Variants in LNX1 observed in about 807,000 individuals in gnomAD.
LNX1 encodes the protein ligand of numb-protein X 1.
LNX1 carries 54 observed loss-of-function variants against 68.4 expected under a neutral mutation model. The ratio of observed to expected loss-of-function variants is 0.79; its 90% CI spans 0.63 to 0.99. The LOEUF (loss-of-function observed/expected upper bound fraction) is 0.99. Among genes scored for constraint, LNX1 ranks in the 50% least tolerant of loss-of-function variants. The pLI is 0.00. For missense variants in LNX1, 906 were observed against 926.4 expected (o/e 0.98, Z 0.29); for synonymous variants, 336 against 350.0 (o/e 0.96, Z 0.45).
chr4:53,591,685 T>C (rs1732513735), upstream of LNX1: 1 of 604,866 alleles, frequency 1.7e-6, no homozygotes. Context: ...CGTCTCTTTG[T>C]GGACAAATAA....
intron 6 of LNX1, among the ~76,000 whole-genome samples, chr4:53,483,330 C>G (rs185495900): frequency 6.6e-6 from 1 of 152,202 alleles, no homozygotes; most frequent in Admixed American, 6.5e-5. Context: ...ATGACCCATT[C>G]TCGGGTATGT....
At chr4:53,522,362 AGT>A (rs1460331955) in intron 2 of LNX1, among the ~76,000 whole-genome samples, 1 of 152,192 alleles carries the variant, frequency 6.6e-6, no homozygotes, top group Non-Finnish European at 1.5e-5. Flanking sequence ...CAAATACTGA[AGT>A]GATTACTAAA....
At chr4:53,575,985 G>A (rs1230656766) in intron 1 of LNX1, 9 of 1,559,196 alleles carry the variant, frequency 5.8e-6, no homozygotes, top group African/African-American at 1.4e-5. Flanking sequence ...GCATGCACAC[G>A]CTGCTCCAGC....
chr4:53,502,200 G>T (rs1391927440), intron 4 of LNX1, among the ~76,000 whole-genome samples: 1 of 152,198 alleles, frequency 6.6e-6, no homozygotes, highest in African/African-American at 2.4e-5. Flanking sequence ...CCAACACACA[G>T]TCAGCATCCC....
intron 1 of LNX1, among the ~76,000 whole-genome samples, chr4:53,631,756 C>T (rs1186134519): frequency 6.6e-6 from 1 of 152,090 alleles, no homozygotes; most frequent in Non-Finnish European, 1.5e-5. Context: ...CTGAGGAAGG[C>T]TTGTTTCAGT....
chr4:53,632,177 G>A (rs1208747188), intron 1 of LNX1, among the ~76,000 whole-genome samples: 3 of 152,178 alleles, frequency 2.0e-5, no homozygotes, highest in East Asian at 1.9e-4. Flanking sequence ...GAGGCTGGCC[G>A]CTGCGGTGGC....
chr4:53,471,151 C>T (rs1210993140), intron 9 of LNX1, among the ~76,000 whole-genome samples: 5 of 148,304 alleles, frequency 3.4e-5, no homozygotes, highest in Non-Finnish European at 7.4e-5. Flanking sequence ...AGATATAGAC[C>T]AATGGAACAG....
rs188079564 is a variant in LNX1 at position 53,528,951 on chromosome 4, A to T, written c.381-20724T>A. Among the ~76,000 whole-genome samples, 93 of 152,282 alleles carry T rather than the reference A, an allele frequency of 6.1e-4. 2 individuals carry two copies. In the South Asian group the frequency reaches 0.014, roughly 22 times the overall value. Reference sequence around the variant, plus strand: ...TGGTGGGAAGAGGCTACCCATAAAAAAAAGCCATCACAGAGGAAAGCAGAA... The same window carrying T: ...TGGTGGGAAGAGGCTACCCATAAAATAAAGCCATCACAGAGGAAAGCAGAA... On this transcript the variant is annotated intron_variant, in intron 2 of 10. Transcript: ENST00000263925.
chr4:53,507,530 CATATCTGATAAGAT>C, intron 3 of LNX1, 61 bp from the exon 4 acceptor site: 2 of 1,538,670 alleles, frequency 1.3e-6, no homozygotes, highest in South Asian at 2.3e-5. Flanking sequence ...CATTTATGTA[CATATCTGATAAGAT>C]ATACACAATA....
chr4:53,644,282 C>T (rs895351846), intron 1 of LNX1, among the ~76,000 whole-genome samples: 1 of 152,074 alleles, frequency 6.6e-6, no homozygotes, highest in African/African-American at 2.4e-5. Context: ...GCTCCTGTAG[C>T]CCTAGCTACT....
chr4:53,523,525 G>T (rs1391866409), intron 2 of LNX1, among the ~76,000 whole-genome samples: 1 of 152,174 alleles, frequency 6.6e-6, no homozygotes. Flanking sequence ...GACCTCAAGT[G>T]ATCTCCCTGC....
At chr4:53,477,850 A>C (rs1723663326) in intron 8 of LNX1, among the ~76,000 whole-genome samples, 1 of 152,160 alleles carries the variant, frequency 6.6e-6, no homozygotes, top group Non-Finnish European at 1.5e-5. Flanking sequence ...ACAGCTGACT[A>C]AATCTCTTAA....
At chr4:53,575,978 T>G (rs866879495) in intron 1 of LNX1, 1 of 1,560,088 alleles carries the variant, frequency 6.4e-7, no homozygotes, top group Non-Finnish European at 8.6e-7. Flanking sequence ...CTGGCAGGCA[T>G]GCACACGCTG....
chr4:53,628,593 T>C (rs1272272229), intron 1 of LNX1, among the ~76,000 whole-genome samples: 3 of 152,054 alleles, frequency 2.0e-5, no homozygotes, highest in African/African-American at 7.2e-5. Flanking sequence ...AAAAAGTAGA[T>C]CTACCATTTG....
chr4:53,634,593 G>A (rs947607718), intron 1 of LNX1, among the ~76,000 whole-genome samples: 6 of 152,052 alleles, frequency 3.9e-5, no homozygotes, highest in African/African-American at 1.4e-4. Flanking sequence ...CCTTTCCTCT[G>A]GGAGTACCAT....
At chr4:53,568,223 T>G (rs948333898) in intron 2 of LNX1, among the ~76,000 whole-genome samples, 2 of 151,790 alleles carry the variant, frequency 1.3e-5, no homozygotes, top group Non-Finnish European at 2.9e-5. Context: ...ATATCCTTGA[T>G]GAACATTGAT....
intron 2 of LNX1, among the ~76,000 whole-genome samples, chr4:53,609,753 A>G (rs915271385): frequency 1.4e-5 from 2 of 143,362 alleles, no homozygotes; most frequent in African/African-American, 5.0e-5. Flanking sequence ...TATATTATAT[A>G]TAATATACTA....
At chr4:53,482,341 C>T (rs1579384224) in intron 6 of LNX1, among the ~76,000 whole-genome samples, 1 of 152,128 alleles carries the variant, frequency 6.6e-6, no homozygotes, top group East Asian at 1.9e-4. Flanking sequence ...AATATTTGGG[C>T]ATAGGAAAGG....
At position 53,460,395 on chromosome 4, in the gene LNX1, C is replaced by G. The variant is rs1222315291; in HGVS notation, c.*512G>C. ...ATTTGAAAGAATAAATTACTAGGAT[C>G]TTTTAAATAGTGATAATACAAAAGT... is the stretch of plus-strand genomic sequence containing the variant. On this transcript the variant is annotated 3_prime_UTR_variant, in exon 11 of 11. Transcript: ENST00000263925. 5.3e-6 allele frequency: 1 copy of G among 188,836 alleles called. No homozygotes were observed. Among genetic ancestry groups the G allele is most frequent in the Non-Finnish European group, 1.1e-5 (1 of 90,204 alleles). The allele number at this position is 188,836 out of a possible 1,614,324, so 11.7% of individuals were successfully genotyped here. A position where few individuals can be genotyped will look rare whatever the true frequency, so the allele number is the denominator to read the frequency against.
Sources: gnomAD v4.1 joint callset for allele counts (sites outside exome capture counted in the v4.1 genomes callset) on GRCh38, gnomAD v4.1.1 for gene constraint, MANE v1.5 for transcripts, NCBI Gene and HGNC (gene_info 2026-07-23, HGNC 2026-07-21) for gene names.